The following TTC21B variants were observed in gnomAD, a reference collection of about 807,000 sequenced individuals.
The protein encoded by TTC21B is tetratricopeptide repeat domain 21B.
In TTC21B, 127 loss-of-function variants were observed where a neutral mutation model predicts 175.1. The ratio of observed to expected loss-of-function variants is 0.73; its 90% CI spans 0.63 to 0.84. The LOEUF (loss-of-function observed/expected upper bound fraction) is 0.84, where lower values mean the gene tolerates loss of function less well. Ranked by LOEUF, TTC21B falls within the 40% of genes least tolerant of loss-of-function variation. The pLI is 0.00. For missense variants in TTC21B, 1,561 were observed against 1,558.3 expected (o/e 1.00, Z -0.03); for synonymous variants, 524 against 524.5 (o/e 1.00, Z 0.01).
In TTC21B at chr2:165,941,131, G is replaced by A; in HGVS notation, c.606C>T (p.Asn202=). 2 of 1,613,882 alleles carry A rather than the reference G, an allele frequency of 1.2e-6. No homozygotes were observed. Among genetic ancestry groups the A allele is most frequent in the Non-Finnish European group, 8.5e-7 (1 of 1,179,848 alleles). ...AGCTCGGAAAATTCACGATTATCTGGTTCACAGTCTCCAGGGCACCTGAAT... is the reference window on the plus strand; with the variant it reads ...AGCTCGGAAAATTCACGATTATCTGATTCACAGTCTCCAGGGCACCTGAAT... ...QNYSGALETV[N]QIIVNFPSFL... The change falls in exon 6 of 29, where the codon AAC becomes AAT. Residue 202 remains asparagine, a synonymous_variant. Transcript: ENST00000243344.
intron 19 of TTC21B, among the ~76,000 whole-genome samples, chr2:165,906,666 C>T (rs1050995611): frequency 1.8e-4 from 28 of 151,916 alleles, no homozygotes; most frequent in Admixed American, 1.3e-4. Flanking sequence ...AATTAGCAGC[C>T]GGGTGCGGTG....
chr2:165,931,248 T>C (rs1195679699), intron 8 of TTC21B, among the ~76,000 whole-genome samples: 1 of 152,134 alleles, frequency 6.6e-6, no homozygotes, highest in East Asian at 1.9e-4. Context: ...AACTTTTCAA[T>C]ATTCTCATTC....
At chr2:165,876,384 A>G in intron 27 of TTC21B, 152 bp from the exon 28 acceptor site, 1 of 636,844 alleles carries the variant, frequency 1.6e-6, no homozygotes, top group Non-Finnish European at 2.8e-6. Context: ...AAGTTGTGTG[A>G]TAATAGAAGA....
rs768486051 is a variant in TTC21B, at chr2:165,901,792, G to A, written c.2687C>T (p.Ala896Val). The part of the protein sequence containing the change: ...ICAEIAKHSV[A>V]QRDYEKAIKF... ...AATTGCTTTTTCATAGTCTCGCTGA[G>A]CAACAGAATGTTTTGCAATCTCTGC... is the stretch of plus-strand genomic sequence containing the variant. Residue 896 changes from alanine to valine, a missense_variant, in exon 20 of 29, where the codon GCT (alanine) becomes GTT (valine). Ala to Val is a moderately conservative substitution (Grantham distance 64). Transcript: ENST00000243344. The A allele has an allele frequency of 5.0e-6, 8 of 1,614,088 alleles. No homozygotes were observed. The highest frequency in any genetic ancestry group is 1.1e-5 in the South Asian group (1 of 91,074).
intron 7 of TTC21B, 85 bp from the exon 8 acceptor site, chr2:165,931,941 A>G: frequency 1.2e-6 from 1 of 868,466 alleles, no homozygotes; most frequent in East Asian, 2.6e-5. Flanking sequence ...ACAAAGCATT[A>G]CCCTACTAGT....
At chr2:165,930,730 G>GATGTGTGT (rs1553514241) in intron 8 of TTC21B, among the ~76,000 whole-genome samples, 6 of 78,268 alleles carry the variant, frequency 7.7e-5, no homozygotes, top group Non-Finnish European at 1.5e-4. Context: ...CGTGGGTATG[G>GATGTGTGT]GGGTGTGTGT....
intron 19 of TTC21B, among the ~76,000 whole-genome samples, chr2:165,903,539 C>T (rs1391126972): frequency 6.6e-6 from 1 of 152,112 alleles, no homozygotes; most frequent in Non-Finnish European, 1.5e-5. Flanking sequence ...GAAGAACTGA[C>T]TAGAGGGAAA....
In TTC21B at chr2:165,912,537, TAA is replaced by T; in HGVS notation, c.2297_2298del (p.Leu766HisfsTer5). ...GTLASKMGKA[L>X]IKTHNYSMAI... is the part of the protein sequence containing the mutation. The stretch of plus-strand genomic sequence containing the variant: ...ACCATTGAGTAGTTATGAGTTTTGA[TAA>T]GTGCTTTGCCCATTTTGCTTGCCAA... On this transcript the variant is annotated frameshift_variant, in exon 17 of 29. Coordinates refer to ENST00000243344, the MANE Select transcript of TTC21B (RefSeq NM_024753.5). LOFTEE classifies it high-confidence loss of function. The T allele has an allele frequency of 1.2e-6, 2 of 1,614,040 alleles. No individual in the cohort carries two copies. Among genetic ancestry groups the T allele is most frequent in the African/African-American group, 2.7e-5 (2 of 75,050 alleles).
chr2:165,946,264 G>A (rs532619935), intron 3 of TTC21B, among the ~76,000 whole-genome samples: 9 of 151,814 alleles, frequency 5.9e-5, no homozygotes, highest in African/African-American at 9.7e-5. Flanking sequence ...GCGTGAACTC[G>A]AGAGGCGGAG....
intron 3 of TTC21B, chr2:165,948,746 G>A (rs1243790136): frequency 6.6e-6 from 1 of 152,206 alleles, no homozygotes; most frequent in Non-Finnish European, 1.5e-5. Context: ...TAGAGATGGA[G>A]GTCTAACTAT....
Position 165,949,408 on chromosome 2 carries a change from A to G in TTC21B, c.248T>C (p.Met83Thr), listed in dbSNP as rs1355586418. Residue 83 changes from methionine (M) to threonine (T), a missense_variant, in exon 3 of 29, where the codon ATG (methionine) becomes ACG (threonine). By Grantham distance (81) the Met-to-Thr change is moderately conservative. Transcript: ENST00000243344. ...AAATATCATACCTGGATTAGGACTCATTTTATGGGCATATATCAGTGCAAG... is the reference window on the plus strand; with the variant it reads ...AAATATCATACCTGGATTAGGACTCGTTTTATGGGCATATATCAGTGCAAG... Reference protein sequence around the residue: ...SLLALIYAHKMSPNPDREAIL... With the variant: ...SLLALIYAHKTSPNPDREAIL... The G allele has an allele frequency of 6.2e-7, 1 of 1,611,776 alleles. No individual in the cohort carries two copies. The highest frequency in any genetic ancestry group is 1.1e-5 in the South Asian group (1 of 91,038).
chr2:165,925,585 AACTT>A (rs1260504219), intron 11 of TTC21B, among the ~76,000 whole-genome samples: 2 of 152,288 alleles, frequency 1.3e-5, no homozygotes, highest in East Asian at 1.9e-4. Context: ...AAAGTGCTAC[AACTT>A]ACTTATGTTG....
At chr2:165,878,236 A>G (rs1381069715) in intron 27 of TTC21B, among the ~76,000 whole-genome samples, 2 of 152,190 alleles carry the variant, frequency 1.3e-5, no homozygotes, top group Admixed American at 1.3e-4. Context: ...TTGATACATG[A>G]CCTGGTACAA....
In TTC21B at chr2:165,943,788, A is replaced by C. The variant is rs74733416; in HGVS notation, c.430-447T>G. Among the ~76,000 whole-genome samples the C allele has an allele frequency of 8.4e-3, 1,273 of 152,286 alleles. 18 individuals are homozygous for C. The highest frequency in any genetic ancestry group is 0.029 in the African/African-American group (1,208 of 41,566). On this transcript the variant is annotated intron_variant, in intron 4 of 28. Transcript: ENST00000243344. ...TCTTAAAGATTCAGATAATCTGGCAACAATCTTCTTAACCTCTTTGATTAG... is the reference window on the plus strand; with the variant it reads ...TCTTAAAGATTCAGATAATCTGGCACCAATCTTCTTAACCTCTTTGATTAG...
intron 22 of TTC21B, 128 bp downstream of exon 22, chr2:165,898,558 G>A (rs932405137): frequency 1.1e-5 from 8 of 726,958 alleles, no homozygotes; most frequent in Non-Finnish European, 2.5e-6. Flanking sequence ...AAGCCCATGT[G>A]TGGAATAAAC....
At chr2:165,923,866 T>C (rs1003601982) in intron 12 of TTC21B, among the ~76,000 whole-genome samples, 1 of 150,058 alleles carries the variant, frequency 6.7e-6, no homozygotes, top group African/African-American at 2.4e-5. Context: ...ATCCTCCCAC[T>C]TCAGTCTCCT....
At chr2:165,908,529 T>C (rs1685821507) in intron 18 of TTC21B, among the ~76,000 whole-genome samples, 1 of 152,164 alleles carries the variant, frequency 6.6e-6, no homozygotes, top group African/African-American at 2.4e-5. Flanking sequence ...CCTCCACCAT[T>C]TGTCAAGTGC....
chr2:165,919,570 G>T (rs1027860647), intron 12 of TTC21B, 137 bp from the exon 13 acceptor site: 2 of 896,136 alleles, frequency 2.2e-6, no homozygotes, highest in Non-Finnish European at 3.5e-6. Context: ...CATAGGCCAT[G>T]GTTTAATTCC....
chr2:165,952,672 G>A (rs972264801), intron 1 of TTC21B, among the ~76,000 whole-genome samples: 3 of 152,168 alleles, frequency 2.0e-5, no homozygotes, highest in Non-Finnish European at 4.4e-5. Context: ...AAGGATATAG[G>A]GGGATAGCTA....
Sources: allele counts gnomAD v4.1 joint callset (sites outside exome capture counted in the v4.1 genomes callset), GRCh38; gene constraint gnomAD v4.1.1; transcripts MANE v1.5; gene names NCBI Gene and HGNC (gene_info 2026-07-23, HGNC 2026-07-21).